NCOA2: variants seen among roughly 807,000 people sequenced by gnomAD.
NCOA2 encodes nuclear receptor coactivator 2.
In NCOA2, 21 loss-of-function variants were observed where a neutral mutation model predicts 145.1. That is an observed-to-expected ratio of 0.14 (90% CI 0.10 to 0.21). The LOEUF is 0.21. Ranked by LOEUF, NCOA2 falls within the 10% of genes least tolerant of loss-of-function variation. The probability of loss-of-function intolerance (pLI) is 1.00; values close to 1 mark genes in which losing one functional copy is unlikely to be tolerated. For missense variants in NCOA2, 1,472 were observed against 1,837.6 expected (o/e 0.80, Z 3.64); for synonymous variants, 619 against 637.5 (o/e 0.97, Z 0.44).
At chr8:70,186,506 A>G (rs571659710) in intron 4 of NCOA2, among the ~76,000 whole-genome samples, 2 of 152,326 alleles carry the variant, frequency 1.3e-5, no homozygotes, top group East Asian at 1.9e-4. Flanking sequence ...TGAAGTATTC[A>G]TCTTCTGCAC....
chr8:70,166,736 G>C lies in NCOA2; in HGVS notation c.560C>G (p.Ser187Cys), dbSNP rs1298266543. 1.2e-6 allele frequency: 2 copies of C among 1,613,812 alleles called. No homozygotes were observed. The highest frequency in any genetic ancestry group is 8.5e-7 in the Non-Finnish European group (1 of 1,179,836). Residue 187 changes from serine (S) to cysteine (C), a missense_variant, in exon 7 of 23, where the codon TCT (serine) becomes TGT (cysteine). By Grantham distance (112) the Ser-to-Cys change is moderately radical. Around this residue, in one of 4 missense-constraint regions of NCOA2, gnomAD observed 284 missense variants for 467.8 expected, o/e 0.61. Coordinates refer to ENST00000452400, the MANE Select transcript of NCOA2 (RefSeq NM_006540.4). ...PKSIVNGGSW[S>C]GEPPRRNSHT... ...GCTGTTCCGCCTCGGAGGTTCGCCA[G>C]ACCAAGATCCCCCATTTACTGAGCA...
At chr8:70,115,814 C>T (rs964836976) in intron 22 of NCOA2, among the ~76,000 whole-genome samples, 4 of 152,032 alleles carry the variant, frequency 2.6e-5, no homozygotes, top group African/African-American at 7.2e-5. Flanking sequence ...GGTAAGTCAA[C>T]GGTTGTACAT....
At chr8:70,355,112 G>A (rs1809568309) in intron 1 of NCOA2, among the ~76,000 whole-genome samples, 1 of 152,180 alleles carries the variant, frequency 6.6e-6, no homozygotes, top group Non-Finnish European at 1.5e-5. Context: ...AATGAATGCT[G>A]ATCAAGTTAT....
chr8:70,192,443 G>A (rs1586032426), intron 4 of NCOA2, among the ~76,000 whole-genome samples: 1 of 152,232 alleles, frequency 6.6e-6, no homozygotes, highest in African/African-American at 2.4e-5. Flanking sequence ...GTGCTAGCCT[G>A]AGCCCTTAGT....
chr8:70,388,491 T>C lies in NCOA2; in HGVS notation c.-77+15209A>G, dbSNP rs1812872706. ...AGTTTGCTCACGTAACATATCTGTA[T>C]AGCCCTCCACTCTAATACAATTTTT... On this transcript the variant is annotated intron_variant, in intron 1 of 22. Coordinates refer to ENST00000452400, the MANE Select transcript of NCOA2 (RefSeq NM_006540.4). Among the ~76,000 whole-genome samples, 5 of 152,332 alleles carry C rather than the reference T, an allele frequency of 3.3e-5. No individual in the cohort carries two copies. The South Asian group carries it at 1.0e-3, about 32-fold the overall frequency.
the NCOA2 span, among the ~76,000 whole-genome samples, chr8:70,412,806 G>T: frequency 6.6e-6 from 1 of 152,062 alleles, no homozygotes; most frequent in Admixed American, 6.5e-5. Flanking sequence ...TAACATAAAA[G>T]TTAATAGTGG....
At chr8:70,248,613 T>G (rs573135300) in intron 2 of NCOA2, among the ~76,000 whole-genome samples, 4 of 152,300 alleles carry the variant, frequency 2.6e-5, no homozygotes, top group South Asian at 2.1e-4. Flanking sequence ...GTCCTGGATA[T>G]AAAAGGTATA....
intron 1 of NCOA2, among the ~76,000 whole-genome samples, chr8:70,379,737 TA>T (rs992004196): frequency 5.3e-5 from 8 of 152,106 alleles, no homozygotes; most frequent in African/African-American, 1.9e-4. Flanking sequence ...GAGATTTTTT[TA>T]AAAATTTAAA....
chr8:70,223,483 T>A (rs1325983400), intron 2 of NCOA2, among the ~76,000 whole-genome samples: 1 of 152,202 alleles, frequency 6.6e-6, no homozygotes, highest in Non-Finnish European at 1.5e-5. Context: ...TATTATGAGT[T>A]AGGTTACTTA....
Position 70,113,205 on chromosome 8 carries a change from C to A in NCOA2, c.*427G>T. 1 of 239,656 alleles carries A rather than the reference C, an allele frequency of 4.2e-6. No homozygotes were observed. 14.8% of individuals were successfully genotyped at this position (239,656 alleles called of 1,614,324 possible). ...TCTTTCCCCCAGATAAAATCTTAAT[C>A]TTTTGCACTAGACTGTTAGCCAGGG... On this transcript the variant is annotated 3_prime_UTR_variant, in exon 23 of 23. Coordinates refer to ENST00000452400, the MANE Select transcript of NCOA2 (RefSeq NM_006540.4).
chr8:70,392,093 T>C (rs1813262303), intron 1 of NCOA2, among the ~76,000 whole-genome samples: 2 of 152,232 alleles, frequency 1.3e-5, no homozygotes, highest in Non-Finnish European at 1.5e-5. Context: ...TTTTTCAACC[T>C]GTGTGTAGGA....
chr8:70,407,504 A>G (rs1488622283), upstream of NCOA2, among the ~76,000 whole-genome samples: 3 of 152,014 alleles, frequency 2.0e-5, no homozygotes, highest in Non-Finnish European at 4.4e-5. Context: ...TGAGAAACAC[A>G]TTGGCTGGGC....
intron 1 of NCOA2, among the ~76,000 whole-genome samples, chr8:70,353,783 C>T (rs1045114342): frequency 3.3e-5 from 5 of 151,986 alleles, no homozygotes; most frequent in Non-Finnish European, 5.9e-5. Context: ...GATTTAAGTA[C>T]GCTTGATTAT....
rs1268063183 is a variant in NCOA2 at position 70,257,153 on chromosome 8, T to G, written c.-20+39591A>C. The stretch of plus-strand genomic sequence containing the variant: ...CCAAATTAGTAAGAACAGAAGAAAT[T>G]TAAACTCACACCAGTTGAGTCCCAA... On this transcript the variant is annotated intron_variant, in intron 2 of 22. Coordinates refer to ENST00000452400, the MANE Select transcript of NCOA2 (RefSeq NM_006540.4). Among the ~76,000 whole-genome samples the G allele has an allele frequency of 1.3e-5, 2 of 152,204 alleles. 1 individual carries two copies. Among genetic ancestry groups the G allele is most frequent in the African/African-American group, 4.8e-5 (2 of 41,446 alleles).
At chr8:70,435,448 A>AAAAAAAAAAAAAAG in the NCOA2 span, among the ~76,000 whole-genome samples, 7 of 147,578 alleles carry the variant, frequency 4.7e-5, no homozygotes, top group African/African-American at 1.5e-4. Context: ...AAAAAAAAAA[A>AAAAAAAAAAAAAAG]AAAAAGAATA....
chr8:70,249,963 CA>C (rs747018939), intron 2 of NCOA2, among the ~76,000 whole-genome samples: 18 of 75,232 alleles, frequency 2.4e-4, no homozygotes, highest in Admixed American at 1.4e-3. Flanking sequence ...AATCTGCCTC[CA>C]AAAAAAAAAA....
In NCOA2 at chr8:70,112,127, C is replaced by T. The variant is rs907132201; in HGVS notation, c.*1505G>A. On this transcript the variant is annotated 3_prime_UTR_variant, in exon 23 of 23. Coordinates refer to ENST00000452400, the MANE Select transcript of NCOA2 (RefSeq NM_006540.4). ...ACATATAAAAATCAAGAATTGGTTC[C>T]TACAGCGGCTGCATATCATATAGAT... 3 of 204,782 alleles carry T rather than the reference C, an allele frequency of 1.5e-5. No homozygotes were observed. Among genetic ancestry groups the T allele is most frequent in the African/African-American group, 6.9e-5 (3 of 43,758 alleles). The allele number at this position is 204,782 out of a possible 1,614,324, so 12.7% of individuals were successfully genotyped here.
At chr8:70,351,201 G>C (rs1189751519) in intron 1 of NCOA2, among the ~76,000 whole-genome samples, 2 of 152,194 alleles carry the variant, frequency 1.3e-5, no homozygotes, top group Non-Finnish European at 2.9e-5. Flanking sequence ...CTGAGTTTTA[G>C]AGAGGGCATT....
At chr8:70,206,287 T>C (rs1435461411) in intron 4 of NCOA2, among the ~76,000 whole-genome samples, 1 of 29,172 alleles carries the variant, frequency 3.4e-5, no homozygotes, top group Non-Finnish European at 7.5e-5. Context: ...CCTCTCTCTG[T>C]GTCCAGCTCT....
Sources: allele counts gnomAD v4.1 joint callset (sites outside exome capture counted in the v4.1 genomes callset), GRCh38; gene constraint gnomAD v4.1.1; regional missense constraint gnomAD v4.1.1; transcripts MANE v1.5; gene names NCBI Gene and HGNC (gene_info 2026-07-23, HGNC 2026-07-21).